CDKL2: variants seen among roughly 807,000 people sequenced by gnomAD.
The protein encoded by CDKL2 is cyclin-dependent kinase-like 2.
CDKL2 carries 64 observed loss-of-function variants against 63.9 expected under a neutral mutation model. The observed-to-expected ratio is 1.00, with a 90% CI of 0.82 to 1.23. The LOEUF is 1.23. Ranked by LOEUF, CDKL2 falls within the 50% of genes most tolerant of loss-of-function variation. The pLI is 0.00. For missense variants in CDKL2, 656 were observed against 668.0 expected (o/e 0.98, Z 0.20); for synonymous variants, 211 against 229.2 (o/e 0.92, Z 0.72).
chr4:75,580,430 C>T (rs537009024), intron 13 of CDKL2, among the ~76,000 whole-genome samples: 1 of 152,132 alleles, frequency 6.6e-6, no homozygotes, highest in Non-Finnish European at 1.5e-5. Context: ...CTTAGGGAGG[C>T]CAAGACGGGC....
intron 1 of CDKL2, among the ~76,000 whole-genome samples, chr4:75,627,738 T>C (rs1157759765): frequency 7.1e-5 from 10 of 140,488 alleles, no homozygotes; most frequent in African/African-American, 1.6e-4. Context: ...TTTCTTTTTT[T>C]TTTTTTTTTT....
At chr4:75,629,197 T>C (rs1281165662) in intron 1 of CDKL2, among the ~76,000 whole-genome samples, 1 of 152,210 alleles carries the variant, frequency 6.6e-6, no homozygotes, top group African/African-American at 2.4e-5. Flanking sequence ...ATGACAAAAA[T>C]AGCTTGAATC....
chr4:75,619,740 AAT>A, intron 2 of CDKL2, among the ~76,000 whole-genome samples: 1 of 152,280 alleles, frequency 6.6e-6, no homozygotes, highest in East Asian at 1.9e-4. Flanking sequence ...GTCCAGTTCT[AAT>A]ATCACAAAGT....
At position 75,609,272 on chromosome 4, in the gene CDKL2, G is replaced by C. The variant is rs529253316; in HGVS notation, c.364-1911C>G. Among the ~76,000 whole-genome samples the C allele has an allele frequency of 1.0e-3, 153 of 152,146 alleles. 1 individual carries two copies. Among genetic ancestry groups the C allele is most frequent in the African/African-American group, 3.6e-3 (149 of 41,510 alleles). ...TAGTGATTAAAATTTCTAAAGGAGA[G>C]ACTTTGTAAGAATAAAACAGGATGC... On this transcript the variant is annotated intron_variant, in intron 3 of 13. Transcript: ENST00000307465.
chr4:75,591,739 C>A, intron 12 of CDKL2, 80 bp downstream of exon 12: 1 of 918,584 alleles, frequency 1.1e-6, no homozygotes, highest in Non-Finnish European at 1.6e-6. Flanking sequence ...TTCTTAAGAG[C>A]AAACTCTCCC....
intron 10 of CDKL2, among the ~76,000 whole-genome samples, chr4:75,595,359 T>C (rs1209563910): frequency 6.6e-6 from 1 of 151,986 alleles, no homozygotes; most frequent in Non-Finnish European, 1.5e-5. Context: ...TACAGTCATG[T>C]GCCACCATAC....
intron 2 of CDKL2, among the ~76,000 whole-genome samples, chr4:75,618,925 A>G (rs1730044847): frequency 6.6e-6 from 1 of 152,234 alleles, no homozygotes; most frequent in Non-Finnish European, 1.5e-5. Flanking sequence ...AAAGCCTTGA[A>G]CATGGATTCA....
chr4:75,609,726 T>C (rs1193199900), intron 3 of CDKL2, among the ~76,000 whole-genome samples: 4 of 150,162 alleles, frequency 2.7e-5, no homozygotes, highest in Non-Finnish European at 5.9e-5. Context: ...AATTCTCTAA[T>C]ATAAGCAAAT....
intron 12 of CDKL2, among the ~76,000 whole-genome samples, chr4:75,585,947 G>A (rs1432072466): frequency 6.6e-6 from 1 of 152,000 alleles, no homozygotes. Flanking sequence ...CACATTTATA[G>A]AACAATTAAT....
rs909721494 is a variant in CDKL2, at chr4:75,600,296, T to C, written c.869A>G (p.Asp290Gly). 2 of 1,612,472 alleles carry C rather than the reference T, an allele frequency of 1.2e-6. No homozygotes were observed. Among genetic ancestry groups the C allele is most frequent in the East Asian group, 4.5e-5 (2 of 44,870 alleles). ...ELLHHDFFQMDGFAERFSQEL... is the reference protein window; with the variant it reads ...ELLHHDFFQMGGFAERFSQEL... ...AGTACTATACCTCTCAGCAAATCCATCCATTTGAAAGAAATCATGGTGTAG... is the reference window on the plus strand; with the variant it reads ...AGTACTATACCTCTCAGCAAATCCACCCATTTGAAAGAAATCATGGTGTAG... The change falls in exon 7 of 14, where the codon GAT becomes GGT. Residue 290 changes from aspartate (D) to glycine (G), a missense_variant. Physicochemically the swap from Asp to Gly is moderately conservative, Grantham distance 94. Transcript: ENST00000307465.
Position 75,612,255 on chromosome 4 carries a change from G to A in CDKL2, c.363+2000C>T, listed in dbSNP as rs928907402. Among the ~76,000 whole-genome samples, 14 of 152,296 alleles carry A rather than the reference G, an allele frequency of 9.2e-5. No individual in the cohort carries two copies. In the East Asian group the frequency reaches 1.7e-3, roughly 19 times the overall value. On this transcript the variant is annotated intron_variant, in intron 3 of 13. Transcript: ENST00000307465. ...CACAAAGTGCTAGGATTACATGCAT[G>A]AGCCACCACACCAGGCCTAAAATCT...
At chr4:75,606,769 T>G (rs1378932910) in intron 4 of CDKL2, among the ~76,000 whole-genome samples, 2 of 152,238 alleles carry the variant, frequency 1.3e-5, no homozygotes, top group African/African-American at 4.8e-5. Flanking sequence ...GCAGTAAAAG[T>G]TACAACCCTT....
At chr4:75,603,193 G>A (rs1460630215) in intron 6 of CDKL2, among the ~76,000 whole-genome samples, 1 of 145,740 alleles carries the variant, frequency 6.9e-6, no homozygotes, top group Non-Finnish European at 1.5e-5. Flanking sequence ...GTAGAGACGG[G>A]GTTTCACCTT....
intron 4 of CDKL2, among the ~76,000 whole-genome samples, chr4:75,606,210 G>A (rs1489611837): frequency 9.5e-6 from 1 of 105,516 alleles, no homozygotes; most frequent in Non-Finnish European, 1.9e-5. Flanking sequence ...AGGGATGATA[G>A]GGATAATTTT....
chr4:75,606,320 T>C (rs1467593933), intron 4 of CDKL2, among the ~76,000 whole-genome samples: 1 of 151,960 alleles, frequency 6.6e-6, no homozygotes, highest in Non-Finnish European at 1.5e-5. Flanking sequence ...GTTCAAGTGA[T>C]TCTCCTGCCC....
intron 2 of CDKL2, among the ~76,000 whole-genome samples, chr4:75,615,658 C>A (rs940422610): frequency 6.6e-6 from 1 of 152,130 alleles, no homozygotes; most frequent in Non-Finnish European, 1.5e-5. Context: ...ATTTTAAATG[C>A]AACAATGCAC....
chr4:75,604,271 A>T (rs1729330654), intron 5 of CDKL2, among the ~76,000 whole-genome samples: 1 of 152,228 alleles, frequency 6.6e-6, no homozygotes, highest in Non-Finnish European at 1.5e-5. Context: ...ACAGGATCTA[A>T]TCTAGATAAA....
At chr4:75,600,935 G>A (rs144559724) in intron 6 of CDKL2, among the ~76,000 whole-genome samples, 269 of 152,240 alleles carry the variant, frequency 1.8e-3, no homozygotes, top group African/African-American at 5.6e-3. Flanking sequence ...GATTCTGATC[G>A]AGCTCTAGCT....
chr4:75,602,224 A>G (rs1471894286), intron 6 of CDKL2, among the ~76,000 whole-genome samples: 5 of 151,914 alleles, frequency 3.3e-5, no homozygotes, highest in East Asian at 1.9e-4. Flanking sequence ...TCTGTTGCCC[A>G]GGCTGGAGTG....
Sources: allele counts gnomAD v4.1 joint callset (sites outside exome capture counted in the v4.1 genomes callset), GRCh38; gene constraint gnomAD v4.1.1; transcripts MANE v1.5; gene names NCBI Gene and HGNC (gene_info 2026-07-23, HGNC 2026-07-21).